Variants in KIF13B observed in about 807,000 individuals in gnomAD.
The protein encoded by KIF13B is kinesin-like protein KIF13B.
In KIF13B, 127 loss-of-function variants were observed where a neutral mutation model predicts 222.0. The observed-to-expected ratio is 0.57, with a 90% CI of 0.50 to 0.66. The LOEUF is 0.66. Among genes scored for constraint, KIF13B ranks in the 30% least tolerant of loss-of-function variants. KIF13B has a pLI of 0.00. For missense variants in KIF13B, 2,173 were observed against 2,379.0 expected, an observed-to-expected ratio of 0.91 and a Z score of 1.80; for synonymous variants, 976 against 919.0, an observed-to-expected ratio of 1.06 and a Z score of -1.12.
chr8:29,222,916 A>T (rs1814823916), intron 2 of KIF13B, among the ~76,000 whole-genome samples: 1 of 152,136 alleles, frequency 6.6e-6, no homozygotes, highest in South Asian at 2.1e-4. Context: ...TTAGAGCTGC[A>T]GATTTAGCTG....
chr8:29,072,273 C>T lies in KIF13B; in HGVS notation c.4565G>A (p.Gly1522Glu). ...MGPDVLVQTMGAPALKICDKP... is the reference protein window; with the variant it reads ...MGPDVLVQTMEAPALKICDKP... The stretch of plus-strand genomic sequence containing the variant: ...GTCGCAGATCTTCAAGGCCGGGGCC[C>T]CCATCGTCTGCACCAGCACGTCAGG... The change falls in exon 39 of 40, where the codon GGG becomes GAG. Residue 1522 changes from glycine (G) to glutamate (E), a missense_variant. Transcript: ENST00000524189. The T allele has an allele frequency of 6.8e-7, 1 of 1,471,478 alleles. No individual in the cohort carries two copies. Among genetic ancestry groups the T allele is most frequent in the South Asian group, 1.4e-5 (1 of 69,832 alleles). 91.2% of individuals were successfully genotyped at this position (1,471,478 alleles called of 1,614,324 possible).
chr8:29,098,490 C>A (rs1226787957), intron 36 of KIF13B, among the ~76,000 whole-genome samples: 2 of 151,112 alleles, frequency 1.3e-5, no homozygotes, highest in East Asian at 3.9e-4. Flanking sequence ...GTAATCCCAG[C>A]TACTTGGGGG....
Position 29,188,623 on chromosome 8 carries a change from T to A in KIF13B, c.224-16A>T. 2 of 1,536,682 alleles carry A rather than the reference T, an allele frequency of 1.3e-6. No homozygotes were observed. The highest frequency in any genetic ancestry group is 1.8e-6 in the Non-Finnish European group (2 of 1,120,148). On this transcript the variant is annotated splice_polypyrimidine_tract_variant and intron_variant, in intron 4 of 39. Coordinates refer to ENST00000524189, the MANE Select transcript of KIF13B (RefSeq NM_015254.4). ...ATATCTTGACCTGAGAGAGAGAGAA[T>A]AAGAGAAAAGATATTTTAAGCCAAA...
Position 29,070,864 on chromosome 8 carries a change from AC to A in KIF13B, c.5219-99del, listed in dbSNP as rs1239736455. 17 of 1,288,046 alleles carry A rather than the reference AC, an allele frequency of 1.3e-5. No individual in the cohort carries two copies. Among genetic ancestry groups the A allele is most frequent in the East Asian group, 5.1e-5 (2 of 39,030 alleles). The allele number at this position is 1,288,046 out of a possible 1,614,324, so 79.8% of individuals were successfully genotyped here. Reference sequence around the variant, plus strand: ...GCAGAGGCCATGTGCCCACACTGCCACCCCCCCGCACAGGCCCTACACAGCC... The same window carrying A: ...GCAGAGGCCATGTGCCCACACTGCCACCCCCCGCACAGGCCCTACACAGCC... On this transcript the variant is annotated intron_variant, in intron 39 of 39. Transcript: ENST00000524189. This position sits in a 1 kb window ranked among gnomAD's most constrained non-coding sequence, Gnocchi z 4.1.
At chr8:29,136,804 T>G (rs1810579236) in intron 21 of KIF13B, among the ~76,000 whole-genome samples, 1 of 144,910 alleles carries the variant, frequency 6.9e-6, no homozygotes, top group Non-Finnish European at 1.5e-5. Context: ...GGTTTTTTTT[T>G]TTTTTTTTTT....
rs1437028786 is a variant in KIF13B at position 29,124,045 on chromosome 8, G to T, written c.3331C>A (p.Gln1111Lys). The change falls in exon 27 of 40, where the codon CAA becomes AAA. Residue 1111 changes from glutamine (Q) to lysine (K), a missense_variant. Gln to Lys is a moderately conservative substitution (Grantham distance 53). Around this residue, in one of 2 missense-constraint regions of KIF13B, gnomAD observed 1,480 missense variants for 1,722.8 expected, o/e 0.86. Transcript: ENST00000524189. Reference sequence around the variant, plus strand: ...CTACCACGTTTACTGACAAGCTTTTGCAATTGTTGATCCAAGTACTCCTGA... The same window carrying T: ...CTACCACGTTTACTGACAAGCTTTTTCAATTGTTGATCCAAGTACTCCTGA... ...KRQEYLDQQL[Q>K]KLVSKRDKTE... 1 of 1,610,070 alleles carries T rather than the reference G, an allele frequency of 6.2e-7. No individual in the cohort carries two copies. The highest frequency in any genetic ancestry group is 1.1e-5 in the South Asian group (1 of 90,802).
chr8:29,221,099 T>C lies in KIF13B; in HGVS notation c.149+24247A>G, dbSNP rs896935852. Among the ~76,000 whole-genome samples the C allele has an allele frequency of 1.9e-4, 5 of 25,676 alleles. No individual in the cohort carries two copies. The East Asian group carries it at 2.4e-3, about 12-fold the overall frequency. The allele number at this position is 25,676 out of a possible 152,430, so 16.8% of individuals were successfully genotyped here. ...CTGAGGCTGCAGTGAGCTGTGTTCTTTTTTTTTTTTTTTTTTTTTTTGAGA... is the reference window on the plus strand; with the variant it reads ...CTGAGGCTGCAGTGAGCTGTGTTCTCTTTTTTTTTTTTTTTTTTTTTGAGA... On this transcript the variant is annotated intron_variant, in intron 2 of 39. Coordinates refer to ENST00000524189, the MANE Select transcript of KIF13B (RefSeq NM_015254.4).
intron 23 of KIF13B, among the ~76,000 whole-genome samples, chr8:29,130,876 C>T (rs1312291920): frequency 6.6e-6 from 1 of 152,148 alleles, no homozygotes; most frequent in Non-Finnish European, 1.5e-5. Flanking sequence ...CTAGAAATGG[C>T]TCCTTTACTT....
chr8:29,179,763 T>C (rs1304293017), intron 8 of KIF13B, among the ~76,000 whole-genome samples: 2 of 152,204 alleles, frequency 1.3e-5, no homozygotes, highest in African/African-American at 4.8e-5. Flanking sequence ...TCCTGCTTCC[T>C]GGATCACAGC....
intron 19 of KIF13B, among the ~76,000 whole-genome samples, chr8:29,140,955 G>C (rs561015813): frequency 6.6e-6 from 1 of 152,280 alleles, no homozygotes; most frequent in East Asian, 1.9e-4. Flanking sequence ...AAAAGAAGTA[G>C]AGTGTGCTAA....
At chr8:29,153,443 A>T (rs1238239440) in intron 14 of KIF13B, among the ~76,000 whole-genome samples, 1 of 152,176 alleles carries the variant, frequency 6.6e-6, no homozygotes, top group Admixed American at 6.6e-5. Context: ...GCTTATCATG[A>T]AAATGGCATT....
At position 29,113,543 on chromosome 8, in the gene KIF13B, T is replaced by A; in HGVS notation, c.3850A>T (p.Ser1284Cys). 1 of 1,581,192 alleles carries A rather than the reference T, an allele frequency of 6.3e-7. No individual in the cohort carries two copies. Among genetic ancestry groups the A allele is most frequent in the Non-Finnish European group, 8.6e-7 (1 of 1,161,168 alleles). ...NVHGRQGFAQ[S>C]LLKKMSHRSS... is the part of the protein sequence containing the mutation. ...CGATGAGACATCTTTTTTAGGAGAC[T>A]CTGTGCAAAACCCTAGAGAAAAACA... Residue 1284 changes from serine (S) to cysteine (C), a missense_variant, in exon 32 of 40, where the codon AGT becomes TGT. Ser to Cys is a moderately radical substitution (Grantham distance 112). Around this residue, in one of 2 missense-constraint regions of KIF13B, gnomAD observed 1,480 missense variants for 1,722.8 expected, o/e 0.86. Transcript: ENST00000524189.
chr8:29,139,926 C>A, intron 21 of KIF13B, 137 bp downstream of exon 21: 1 of 745,156 alleles, frequency 1.3e-6, no homozygotes, highest in Middle Eastern at 2.9e-4. Context: ...TAATACTTAC[C>A]ATCTAAAGAC....
At chr8:29,239,097 CTGA>C (rs1815644154) in intron 2 of KIF13B, among the ~76,000 whole-genome samples, 2 of 152,230 alleles carry the variant, frequency 1.3e-5, no homozygotes, top group Admixed American at 1.3e-4. Flanking sequence ...AAACTCTAGG[CTGA>C]TGTCTTTAGC....
intron 2 of KIF13B, among the ~76,000 whole-genome samples, chr8:29,220,839 T>C (rs1174262747): frequency 1.3e-5 from 2 of 152,102 alleles, no homozygotes; most frequent in Non-Finnish European, 2.9e-5. Context: ...ATACGTTATG[T>C]AAAAACATCC....
chr8:29,129,486 A>G (rs1236049840), intron 24 of KIF13B, among the ~76,000 whole-genome samples: 2 of 152,214 alleles, frequency 1.3e-5, no homozygotes, highest in Non-Finnish European at 2.9e-5. Context: ...TCAGAAACTT[A>G]AACATGTAAG....
chr8:29,151,044 A>G (rs941850611), intron 14 of KIF13B, among the ~76,000 whole-genome samples: 19 of 152,242 alleles, frequency 1.2e-4, no homozygotes, highest in African/African-American at 4.6e-4. Context: ...GTGAGTGCAC[A>G]TGAAAAGCTC....
intron 16 of KIF13B, 59 bp downstream of exon 16, chr8:29,148,517 TC>T: frequency 2.3e-6 from 3 of 1,292,812 alleles, no homozygotes; most frequent in East Asian, 5.3e-5. Context: ...TCAAGCGATC[TC>T]CCCACCTCAG....
chr8:29,240,989 G>A (rs556499618), intron 2 of KIF13B, among the ~76,000 whole-genome samples: 3 of 152,226 alleles, frequency 2.0e-5, no homozygotes, highest in Admixed American at 6.5e-5. Context: ...GAAAACGGAC[G>A]TCCACACAAA....
Sources: gnomAD v4.1 joint callset for allele counts (sites outside exome capture counted in the v4.1 genomes callset) on GRCh38, gnomAD v4.1.1 for gene constraint, gnomAD v4.1.1 regional missense constraint, Gnocchi (gnomAD v3.1) non-coding constraint, MANE v1.5 for transcripts, NCBI Gene and HGNC (gene_info 2026-07-23, HGNC 2026-07-21) for gene names.